The following PDE1C variants were observed in gnomAD, a reference collection of about 807,000 sequenced individuals.
The protein encoded by PDE1C is dual specificity calcium/calmodulin-dependent 3',5'-cyclic nucleotide phosphodiesterase 1C.
A neutral mutation model predicts 93.1 loss-of-function variants in PDE1C; 62 were observed. The ratio of observed to expected loss-of-function variants is 0.67; its 90% CI spans 0.54 to 0.82. The LOEUF is 0.82. PDE1C is among the 40% of genes least tolerant of loss of function. PDE1C has a pLI of 0.00. For synonymous variants in PDE1C, 325 were observed against 310.1 expected (o/e 1.05, Z -0.50); for missense variants, 742 against 884.6 (o/e 0.84, Z 2.04).
intron 1 of PDE1C, among the ~76,000 whole-genome samples, chr7:32,367,192 A>G (rs1176164103): frequency 1.3e-5 from 2 of 152,218 alleles, no homozygotes; most frequent in Non-Finnish European, 2.9e-5. Flanking sequence ...AGGGAGTCCT[A>G]CAACTGGAAG....
At chr7:32,310,007 T>A (rs900817798) in intron 1 of PDE1C, among the ~76,000 whole-genome samples, 1 of 152,106 alleles carries the variant, frequency 6.6e-6, no homozygotes, top group Non-Finnish European at 1.5e-5. Flanking sequence ...AGGAAACCCA[T>A]GTCATGTGCA....
chr7:31,830,420 C>A (rs116681667), intron 11 of PDE1C, among the ~76,000 whole-genome samples: 3 of 151,872 alleles, frequency 2.0e-5, no homozygotes, highest in Admixed American at 6.6e-5. Context: ...TCCAGGACAG[C>A]GCAGAAAAAT....
At position 32,383,582 on chromosome 7, in the gene PDE1C, T is replaced by C. The variant is rs148167408; in HGVS notation, c.310+44240A>G. Among the ~76,000 whole-genome samples the C allele has an allele frequency of 3.8e-4, 58 of 152,358 alleles. 1 individual carries two copies. Among genetic ancestry groups the C allele is most frequent in the Admixed American group, 1.5e-3 (23 of 15,302 alleles). ...TGGAAAAGACCAGGAAAGACTGTTC[T>C]ATGTTAGAGACAGTTGCCTTTTGAA... On this transcript the variant is annotated intron_variant, in intron 1 of 1. Coordinates refer to the PDE1C transcript ENST00000672256.
intron 2 of PDE1C, among the ~76,000 whole-genome samples, chr7:31,993,784 C>T (rs1031378214): frequency 3.3e-5 from 5 of 152,158 alleles, no homozygotes; most frequent in Non-Finnish European, 5.9e-5. Flanking sequence ...GATATTGACA[C>T]GTCTTTTAAT....
rs772755535 is a variant in PDE1C at position 32,034,396 on chromosome 7, G to A, written c.128+17158C>T. Among the ~76,000 whole-genome samples, 4 of 152,092 alleles carry A rather than the reference G, an allele frequency of 2.6e-5. No individual in the cohort carries two copies. The East Asian group carries it at 7.7e-4, about 29-fold the overall frequency. On this transcript the variant is annotated intron_variant, in intron 2 of 17. Coordinates refer to ENST00000396191, the MANE Select transcript of PDE1C (RefSeq NM_001191057.4). Reference sequence around the variant, plus strand: ...CACAAGAATGAAGAAAAGCTGATTTGTGCTGCACAGATTTGTGCCTCGGAC... The same window carrying A: ...CACAAGAATGAAGAAAAGCTGATTTATGCTGCACAGATTTGTGCCTCGGAC...
chr7:31,813,147 G>A (rs1787757565), intron 15 of PDE1C, among the ~76,000 whole-genome samples: 1 of 152,078 alleles, frequency 6.6e-6, no homozygotes, highest in Non-Finnish European at 1.5e-5. Context: ...AACCCACTCT[G>A]TTAAAAGAAA....
chr7:31,879,311 A>G (rs1424762451), intron 3 of PDE1C, 133 bp from the exon 4 acceptor site: 4 of 814,886 alleles, frequency 4.9e-6, no homozygotes, highest in Non-Finnish European at 7.5e-6. Flanking sequence ...GCCACAAAAA[A>G]TACAGTGCCT....
chr7:31,790,607 A>G (rs1038265691), intron 16 of PDE1C, among the ~76,000 whole-genome samples: 1 of 152,184 alleles, frequency 6.6e-6, no homozygotes, highest in African/African-American at 2.4e-5. Flanking sequence ...CTCAAGGGTC[A>G]GTGGGATTGG....
At chr7:31,928,813 C>T (rs1803760974) in intron 2 of PDE1C, among the ~76,000 whole-genome samples, 1 of 152,162 alleles carries the variant, frequency 6.6e-6, no homozygotes, top group Admixed American at 6.5e-5. Context: ...AAAACTGGTA[C>T]CAGCCACTGC....
chr7:31,702,565 TTAAC>T, the PDE1C span, among the ~76,000 whole-genome samples: 1 of 152,232 alleles, frequency 6.6e-6, no homozygotes, highest in Non-Finnish European at 1.5e-5. Flanking sequence ...TTTTCTATTC[TTAAC>T]TAACTCTGTA....
At chr7:32,340,563 G>A (rs1029747442) in intron 1 of PDE1C, among the ~76,000 whole-genome samples, 1 of 152,152 alleles carries the variant, frequency 6.6e-6, no homozygotes, top group African/African-American at 2.4e-5. Context: ...GCTATTGAAG[G>A]ATTTTAAGCA....
chr7:32,247,552 T>G (rs904574609), intron 1 of PDE1C, among the ~76,000 whole-genome samples: 1 of 152,210 alleles, frequency 6.6e-6, no homozygotes, highest in Middle Eastern at 3.2e-3. Flanking sequence ...CAACTTATAA[T>G]GGCTCAACTT....
chr7:31,620,398 C>CCAACAGACCTGCAG, the PDE1C span, among the ~76,000 whole-genome samples: 1 of 151,868 alleles, frequency 6.6e-6, no homozygotes, highest in Non-Finnish European at 1.5e-5. Context: ...GCCGGGTACT[C>CCAACAGACCTGCAG]CTCTGAGACA....
At chr7:31,667,515 G>C in the PDE1C span, among the ~76,000 whole-genome samples, 2 of 152,160 alleles carry the variant, frequency 1.3e-5, no homozygotes, top group Non-Finnish European at 2.9e-5. Context: ...TGACGCCCGT[G>C]CTATGCTGGG....
chr7:31,992,878 T>C (rs935380351), intron 2 of PDE1C, among the ~76,000 whole-genome samples: 7 of 152,178 alleles, frequency 4.6e-5, no homozygotes, highest in Non-Finnish European at 1.0e-4. Flanking sequence ...TGCATAAATA[T>C]CAATATAGTT....
intron 2 of PDE1C, among the ~76,000 whole-genome samples, chr7:32,173,496 GAATAA>G (rs56390883): frequency 3.3e-5 from 5 of 150,464 alleles, no homozygotes; most frequent in Non-Finnish European, 5.9e-5. Context: ...AATAAAAATA[GAATAA>G]AATAACAATA....
At chr7:31,981,912 T>C (rs1812432136) in intron 2 of PDE1C, among the ~76,000 whole-genome samples, 2 of 152,256 alleles carry the variant, frequency 1.3e-5, no homozygotes, top group Non-Finnish European at 2.9e-5. Flanking sequence ...TCTCTGAGCA[T>C]GGTTTACATG....
intron 1 of PDE1C, among the ~76,000 whole-genome samples, chr7:32,329,611 A>G (rs575254865): frequency 1.3e-5 from 2 of 152,230 alleles, no homozygotes; most frequent in South Asian, 4.1e-4. Context: ...TTTCCTGATA[A>G]TAATGCTAAC....
At chr7:32,128,402 A>G (rs950656159) in intron 3 of PDE1C, among the ~76,000 whole-genome samples, 15 of 152,000 alleles carry the variant, frequency 9.9e-5, no homozygotes, top group African/African-American at 3.6e-4. Flanking sequence ...TAAAAGTAAA[A>G]AAACATACAA....
Sources: gnomAD v4.1 joint callset for allele counts (sites outside exome capture counted in the v4.1 genomes callset) on GRCh38, gnomAD v4.1.1 for gene constraint, MANE v1.5 for transcripts, NCBI Gene and HGNC (gene_info 2026-07-23, HGNC 2026-07-21) for gene names.